Variants in LRRC56 observed in about 807,000 individuals in gnomAD.
LRRC56 encodes leucine-rich repeat-containing protein 56.
LRRC56 carries 41 observed loss-of-function variants against 47.8 expected under a neutral mutation model. The observed-to-expected ratio is 0.86, with a 90% confidence interval of 0.67 to 1.11. LRRC56 has a LOEUF of 1.11. LRRC56 is among the 50% of genes most tolerant of loss of function. The pLI is 0.00. For synonymous variants in LRRC56, 387 were observed against 311.2 expected (o/e 1.24, Z -2.56); for missense variants, 759 against 704.2 (o/e 1.08, Z -0.88).
At chr11:520,891 T>C in the LRRC56 span, among the ~76,000 whole-genome samples, 1 of 152,206 alleles carries the variant, frequency 6.6e-6, no homozygotes. Context: ...ACCCGCCAGC[T>C]GCTGGTTCCA....
chr11:527,991 G>A, the LRRC56 span, among the ~76,000 whole-genome samples: 1 of 151,578 alleles, frequency 6.6e-6, no homozygotes, highest in Non-Finnish European at 1.5e-5. Context: ...GTGAGCCACC[G>A]CACCCGGCCA....
chr11:539,880 G>A (rs1256034652), intron 3 of LRRC56, among the ~76,000 whole-genome samples, 154 bp downstream of exon 3: 1 of 152,182 alleles, frequency 6.6e-6, no homozygotes, highest in South Asian at 2.1e-4. Context: ...GGAGGGAAGT[G>A]GGATTTGGAT....
chr11:524,217 A>G, the LRRC56 span, among the ~76,000 whole-genome samples: 1 of 152,244 alleles, frequency 6.6e-6, no homozygotes, highest in Non-Finnish European at 1.5e-5. Flanking sequence ...GCGTGAGGCC[A>G]GCTTGGTGTT....
chr11:551,501 T>G, intron 9 of LRRC56, 150 bp from the exon 10 acceptor site: 1 of 902,932 alleles, frequency 1.1e-6, no homozygotes, highest in Non-Finnish European at 1.6e-6. Flanking sequence ...GAGGAAGGTC[T>G]GAAGATGAGG....
chr11:531,472 C>A, the LRRC56 span, among the ~76,000 whole-genome samples: 3 of 152,192 alleles, frequency 2.0e-5, no homozygotes, highest in Admixed American at 6.5e-5. Flanking sequence ...TGGCCCAAGG[C>A]AGGGCAAGCC....
the LRRC56 span, among the ~76,000 whole-genome samples, chr11:525,355 C>A: frequency 9.2e-5 from 14 of 151,662 alleles, no homozygotes; most frequent in African/African-American, 2.9e-4. Flanking sequence ...CTGGCTAACA[C>A]GGTGAAGCCC....
chr11:515,845 T>A, the LRRC56 span, among the ~76,000 whole-genome samples: 1,988 of 152,012 alleles, frequency 0.013, 52 homozygotes, highest in African/African-American at 0.045. Flanking sequence ...CTCAAAAAAA[T>A]TAATAGTAAA....
At position 550,339 on chromosome 11, in the gene LRRC56, G is replaced by T. The variant is rs562711047; in HGVS notation, c.624+67G>T. ...AGAGGCTCCCTGTGGCTCCAGCCCC[G>T]GGGCCCCTCCTCTGGCCAGGTACTT... On this transcript the variant is annotated intron_variant, in intron 8 of 13. Transcript: ENST00000270115. The T allele has an allele frequency of 2.1e-6, 3 of 1,429,166 alleles. No individual in the cohort carries two copies. The African/African-American group carries it at 4.3e-5, about 20-fold the overall frequency. The allele number at this position is 1,429,166 out of a possible 1,614,324, so 88.5% of individuals were successfully genotyped here.
chr11:517,309 A>G, the LRRC56 span, among the ~76,000 whole-genome samples: 15 of 123,086 alleles, frequency 1.2e-4, no homozygotes, highest in Non-Finnish European at 2.0e-4. Context: ...CCGGCCGCCC[A>G]TCGTCTGGGA....
At chr11:520,946 G>A in the LRRC56 span, among the ~76,000 whole-genome samples, 2 of 152,162 alleles carry the variant, frequency 1.3e-5, no homozygotes, top group African/African-American at 2.4e-5. Context: ...AGACCGCGTC[G>A]GTTATTCATC....
the LRRC56 span, among the ~76,000 whole-genome samples, chr11:524,250 G>A: frequency 2.6e-5 from 4 of 152,222 alleles, no homozygotes; most frequent in African/African-American, 4.8e-5. Flanking sequence ...GACACACACC[G>A]AGGGAAGACG....
At chr11:535,965 C>T (rs999265723), upstream of LRRC56, among the ~76,000 whole-genome samples, 1 of 152,178 alleles carries the variant, frequency 6.6e-6, no homozygotes, top group Non-Finnish European at 1.5e-5. Context: ...GGTCCCGGGG[C>T]TACGGGCTGG....
At chr11:517,719 CAAAA>C in the LRRC56 span, among the ~76,000 whole-genome samples, 17 of 151,212 alleles carry the variant, frequency 1.1e-4, no homozygotes, top group Admixed American at 7.2e-4. Context: ...GCAGTTTTGT[CAAAA>C]AGAAAAGGGG....
At chr11:507,840 T>C in the LRRC56 span, among the ~76,000 whole-genome samples, 1 of 152,186 alleles carries the variant, frequency 6.6e-6, no homozygotes. Flanking sequence ...CTTTGTTTCG[T>C]GGGACCCCAG....
the LRRC56 span, chr11:506,979 C>CCGCCACGGGAGCG: frequency 4.6e-5 from 7 of 152,356 alleles, no homozygotes; most frequent in South Asian, 1.0e-3. Flanking sequence ...CGACCCCGCC[C>CCGCCACGGGAGCG]CGCCACGGGA....
At chr11:517,570 C>CT in the LRRC56 span, among the ~76,000 whole-genome samples, 1 of 151,000 alleles carries the variant, frequency 6.6e-6, no homozygotes, top group Non-Finnish European at 1.5e-5. Context: ...GCCGTCCCAT[C>CT]TGGGGGGTGA....
chr11:544,635 G>C, intron 5 of LRRC56, 85 bp from the exon 6 acceptor site: 1 of 1,383,414 alleles, frequency 7.2e-7, no homozygotes, highest in Non-Finnish European at 1.0e-6. Flanking sequence ...AGGGGCCGGG[G>C]GTGCTGATGC....
At chr11:522,888 A>G in the LRRC56 span, among the ~76,000 whole-genome samples, 2 of 152,142 alleles carry the variant, frequency 1.3e-5, no homozygotes, top group African/African-American at 4.8e-5. Context: ...AGCTGGAATT[A>G]CAGGCATGTG....
chr11:532,891 A>C, upstream of LRRC56: 1 of 856,220 alleles, frequency 1.2e-6, no homozygotes, highest in Non-Finnish European at 1.9e-6. Context: ...GGCCCACCAC[A>C]CACACGGGAA....
Sources: gnomAD v4.1 joint callset for allele counts (sites outside exome capture counted in the v4.1 genomes callset) on GRCh38, gnomAD v4.1.1 for gene constraint, MANE v1.5 for transcripts, NCBI Gene and HGNC (gene_info 2026-07-23, HGNC 2026-07-21) for gene names.